Variants in ACYP2 observed in about 807,000 individuals in gnomAD.
ACYP2 encodes the protein acylphosphatase 2, also known as acylphosphatase-2.
A neutral mutation model predicts 11.2 loss-of-function variants in ACYP2; 12 were observed. That is an observed-to-expected ratio of 1.08 (90% CI 0.69 to 1.74). The LOEUF is 1.74. ACYP2 is among the 40% of genes most tolerant of loss of function. The pLI is 0.00. For synonymous variants in ACYP2, 43 were observed against 32.2 expected (o/e 1.33, Z -1.13); for missense variants, 134 against 101.9 (o/e 1.31, Z -1.35).
intron 2 of ACYP2, among the ~76,000 whole-genome samples, chr2:53,991,512 TCTC>T (rs1672293080): frequency 2.0e-5 from 3 of 151,906 alleles, no homozygotes; most frequent in African/African-American, 7.3e-5. Flanking sequence ...TTCAAGTGAT[TCTC>T]CTGCTTCAGC....
chr2:54,104,146 A>G (rs1157017748), intron 4 of ACYP2, among the ~76,000 whole-genome samples: 2 of 152,228 alleles, frequency 1.3e-5, no homozygotes, highest in African/African-American at 4.8e-5. Flanking sequence ...ACAGATTAAG[A>G]ACATCTGGCA....
chr2:54,209,550 G>A (rs900283160), intron 6 of ACYP2, among the ~76,000 whole-genome samples: 1 of 152,182 alleles, frequency 6.6e-6, no homozygotes, highest in Non-Finnish European at 1.5e-5. Flanking sequence ...AATAAGCTGA[G>A]TGAGAAAATG....
chr2:53,988,999 C>T lies in ACYP2; in HGVS notation c.62+15189C>T, dbSNP rs372580294. Among the ~76,000 whole-genome samples, 12 of 152,280 alleles carry T rather than the reference C, an allele frequency of 7.9e-5. No individual in the cohort carries two copies. In the South Asian group the frequency reaches 1.5e-3, roughly 18 times the overall value. On this transcript the variant is annotated intron_variant, in intron 2 of 6. Transcript: ENST00000607452. ...CCTGACCTCAGGTGAACTTCTGCCT[C>T]GGCCTCCCAAAGTGCTGGGATTACA...
intron 6 of ACYP2, among the ~76,000 whole-genome samples, chr2:54,287,338 C>T (rs1020361773): frequency 6.6e-6 from 1 of 151,960 alleles, no homozygotes; most frequent in African/African-American, 2.4e-5. Flanking sequence ...AAGGGCCCCC[C>T]CTCATGACCT....
At chr2:54,267,395 G>A in intron 6 of ACYP2, 2 of 1,524,628 alleles carry the variant, frequency 1.3e-6, no homozygotes, top group Non-Finnish European at 1.8e-6. Context: ...AAATGAGAAG[G>A]GCTTATACAT....
chr2:54,112,671 A>G (rs1353656576), intron 4 of ACYP2, among the ~76,000 whole-genome samples: 1 of 152,248 alleles, frequency 6.6e-6, no homozygotes, highest in Non-Finnish European at 1.5e-5. Flanking sequence ...AGACTACAAC[A>G]TGGAAAAGAA....
chr2:54,112,532 T>C (rs1679514236), intron 4 of ACYP2, among the ~76,000 whole-genome samples: 1 of 152,208 alleles, frequency 6.6e-6, no homozygotes, highest in South Asian at 2.1e-4. Context: ...GGAAGCTACA[T>C]GCATAAATAT....
intron 4 of ACYP2, among the ~76,000 whole-genome samples, chr2:54,093,912 C>A (rs1678372792): frequency 6.6e-6 from 1 of 151,892 alleles, no homozygotes; most frequent in African/African-American, 2.4e-5. Flanking sequence ...TGCACTCCAG[C>A]CTGGGTGACA....
chr2:54,042,677 AG>A (rs2104564266), intron 2 of ACYP2, among the ~76,000 whole-genome samples: 1 of 152,026 alleles, frequency 6.6e-6, no homozygotes, highest in South Asian at 2.1e-4. Context: ...GTGTGTGTCA[AG>A]GGGCACGATG....
At chr2:53,996,702 T>C (rs1672590422) in intron 2 of ACYP2, among the ~76,000 whole-genome samples, 2 of 152,134 alleles carry the variant, frequency 1.3e-5, no homozygotes, top group Admixed American at 6.6e-5. Context: ...ATCCAAGCAA[T>C]GTACTTTCAT....
intron 6 of ACYP2, among the ~76,000 whole-genome samples, chr2:54,268,108 T>C (rs959899264): frequency 1.3e-5 from 2 of 152,228 alleles, no homozygotes; most frequent in Non-Finnish European, 2.9e-5. Flanking sequence ...CCATAGCTGC[T>C]TTGAACCTGA....
At chr2:54,056,304 A>G (rs1186359186) in intron 3 of ACYP2, among the ~76,000 whole-genome samples, 1 of 152,246 alleles carries the variant, frequency 6.6e-6, no homozygotes, top group Admixed American at 6.5e-5. Context: ...TGACATGGGC[A>G]GTTTCTGACA....
intron 6 of ACYP2, among the ~76,000 whole-genome samples, chr2:54,251,229 C>A (rs1291230906): frequency 6.6e-6 from 1 of 152,190 alleles, no homozygotes; most frequent in Non-Finnish European, 1.5e-5. Flanking sequence ...TGGATTTTAA[C>A]CATTTGAATG....
chr2:54,125,456 A>G (rs1262429109), intron 4 of ACYP2, among the ~76,000 whole-genome samples: 1 of 152,226 alleles, frequency 6.6e-6, no homozygotes, highest in African/African-American at 2.4e-5. Flanking sequence ...AGTATTTAAA[A>G]TACTAATTTT....
chr2:54,015,645 T>TCTCA (rs1322863615), intron 2 of ACYP2, among the ~76,000 whole-genome samples: 60 of 130,480 alleles, frequency 4.6e-4, no homozygotes, highest in South Asian at 1.9e-3. Context: ...TGAGACCCCG[T>TCTCA]CACACACACA....
At chr2:54,303,607 A>G (rs1450595107) in intron 6 of ACYP2, among the ~76,000 whole-genome samples, 26 of 152,232 alleles carry the variant, frequency 1.7e-4, no homozygotes. Context: ...TAAGATCCAA[A>G]TAAAGGGTTA....
At chr2:54,280,260 C>T (rs1688786660) in intron 6 of ACYP2, among the ~76,000 whole-genome samples, 2 of 152,098 alleles carry the variant, frequency 1.3e-5, no homozygotes, top group Non-Finnish European at 2.9e-5. Context: ...ATCAAGAGGA[C>T]ATCATGGTTG....
chr2:54,107,890 C>A (rs577191676), intron 4 of ACYP2, among the ~76,000 whole-genome samples: 1 of 152,274 alleles, frequency 6.6e-6, no homozygotes, highest in South Asian at 2.1e-4. Context: ...AATAGGAAAC[C>A]ATTTGCTGAA....
At chr2:54,301,875 C>T (rs1427342204) in intron 6 of ACYP2, among the ~76,000 whole-genome samples, 1 of 152,116 alleles carries the variant, frequency 6.6e-6, no homozygotes, top group Non-Finnish European at 1.5e-5. Flanking sequence ...GTGACCAGAA[C>T]ACTCCTAGCT....
Sources: gnomAD v4.1 joint callset for allele counts (sites outside exome capture counted in the v4.1 genomes callset) on GRCh38, gnomAD v4.1.1 for gene constraint, MANE v1.5 for transcripts, NCBI Gene and HGNC (gene_info 2026-07-23, HGNC 2026-07-21) for gene names.